DTNB: variants seen among roughly 807,000 people sequenced by gnomAD.
DTNB encodes the protein DTN-B.
DTNB carries 63 observed loss-of-function variants against 90.7 expected under a neutral mutation model. The observed-to-expected ratio is 0.69, with a 90% CI of 0.57 to 0.86. DTNB has a LOEUF of 0.86. Ranked by LOEUF, DTNB falls within the 40% of genes least tolerant of loss-of-function variation. The probability of loss-of-function intolerance (pLI) is 0.00; values close to 1 mark genes in which losing one functional copy is unlikely to be tolerated. For synonymous variants in DTNB, 277 were observed against 286.7 expected (o/e 0.97, Z 0.34); for missense variants, 744 against 807.1 (o/e 0.92, Z 0.95).
At chr2:25,451,521 C>T in intron 12 of DTNB, 27 bp downstream of exon 12, 2 of 1,583,022 alleles carry the variant, frequency 1.3e-6, no homozygotes, top group Non-Finnish European at 1.7e-6. Flanking sequence ...ATTTCTGCTA[C>T]TCTCCTGGGA....
intron 5 of DTNB, 97 bp downstream of exon 5, chr2:25,607,139 T>C (rs2067279421): frequency 1.5e-6 from 2 of 1,344,490 alleles, no homozygotes; most frequent in African/African-American, 2.9e-5. Flanking sequence ...GTAATTTTTT[T>C]AAAAGCTCAA....
chr2:25,460,644 C>T (rs1401501497), intron 10 of DTNB, among the ~76,000 whole-genome samples: 3 of 152,110 alleles, frequency 2.0e-5, no homozygotes, highest in Non-Finnish European at 2.9e-5. Flanking sequence ...TCAAACGCTA[C>T]TGACAGATCA....
At chr2:25,561,026 C>G (rs2058179167) in intron 8 of DTNB, among the ~76,000 whole-genome samples, 1 of 152,196 alleles carries the variant, frequency 6.6e-6, no homozygotes, top group African/African-American at 2.4e-5. Flanking sequence ...AGTTACTGTA[C>G]ATTACCTGAA....
chr2:25,604,118 A>T (rs1392109237), intron 5 of DTNB, among the ~76,000 whole-genome samples: 1 of 152,222 alleles, frequency 6.6e-6, no homozygotes, highest in African/African-American at 2.4e-5. Flanking sequence ...ATTTCCAGAG[A>T]GTGGAGCACC....
chr2:25,455,456 T>C lies in DTNB; in HGVS notation c.1118A>G (p.Asp373Gly). The part of the protein sequence containing the change: ...YSQDIPSHLA[D>G]EHALIASYVA... ...ATAGGAGGCTATCAGCGCATGCTCA[T>C]CGGCCAAGTGACTGGGTATATCCTG... The change falls in exon 11 of 21, where the codon GAT becomes GGT. Residue 373 changes from aspartate (D) to glycine (G), a missense_variant. Asp to Gly is a moderately conservative substitution (Grantham distance 94). Coordinates refer to ENST00000406818, the MANE Select transcript of DTNB (RefSeq NM_021907.5). 6.2e-7 allele frequency: 1 copy of C among 1,607,816 alleles called. No homozygotes were observed.
chr2:25,650,342 G>T, intron 2 of DTNB: 2 of 597,118 alleles, frequency 3.3e-6, no homozygotes, highest in Non-Finnish European at 4.2e-6. Flanking sequence ...AGTGCCTGGA[G>T]CATAGCAGAT....
At position 25,663,744 on chromosome 2, in the gene DTNB, A is replaced by G. The variant is rs939176111; in HGVS notation, c.-2+9642T>C. Among the ~76,000 whole-genome samples the G allele has an allele frequency of 5.3e-5, 8 of 152,226 alleles. No individual in the cohort carries two copies. In the East Asian group the frequency reaches 1.5e-3, roughly 29 times the overall value. Reference sequence around the variant, plus strand: ...CCCATGAACTCTAAAATTTGGTACAATAGCCATCATTTCAAAATCTTCAGC... The same window carrying G: ...CCCATGAACTCTAAAATTTGGTACAGTAGCCATCATTTCAAAATCTTCAGC... On this transcript the variant is annotated intron_variant, in intron 1 of 20. Transcript: ENST00000406818.
rs73920701 is a variant in DTNB, at chr2:25,410,321, T to C, written c.1575+9194A>G. On this transcript the variant is annotated intron_variant, in intron 16 of 20. Coordinates refer to ENST00000406818, the MANE Select transcript of DTNB (RefSeq NM_021907.5). ...AGGAAATCTCTCAGCCTGACATTGA[T>C]GAGTGATGAAAAATATTGGGGGGTG... Among the ~76,000 whole-genome samples the C allele has an allele frequency of 9.5e-3, 1,450 of 152,254 alleles. 31 individuals carry two copies. The highest frequency in any genetic ancestry group is 0.033 in the African/African-American group (1,389 of 41,540).
intron 4 of DTNB, among the ~76,000 whole-genome samples, chr2:25,611,047 G>A (rs2068495565): frequency 6.6e-6 from 1 of 152,174 alleles, no homozygotes; most frequent in African/African-American, 2.4e-5. Context: ...TCATAGGTCA[G>A]ATTTGGCAGC....
intron 9 of DTNB, among the ~76,000 whole-genome samples, chr2:25,519,166 T>C (rs1231686284): frequency 6.6e-6 from 1 of 151,946 alleles, no homozygotes; most frequent in African/African-American, 2.4e-5. Context: ...AGTTCAAGAC[T>C]AGCGTGGGCA....
chr2:25,434,068 T>A, intron 12 of DTNB, 73 bp from the exon 13 acceptor site: 1 of 1,397,812 alleles, frequency 7.2e-7, no homozygotes, highest in Non-Finnish European at 9.9e-7. Flanking sequence ...GATTGACTGA[T>A]TTTTAAAAAA....
chr2:25,386,113 C>CT, intron 18 of DTNB: 1 of 985,468 alleles, frequency 1.0e-6, no homozygotes, highest in Non-Finnish European at 1.2e-6. Context: ...AGAAACAGTG[C>CT]TAGAATGGAG....
intron 3 of DTNB, among the ~76,000 whole-genome samples, chr2:25,638,372 T>C (rs1573861418): frequency 1.3e-5 from 2 of 152,164 alleles, no homozygotes; most frequent in Admixed American, 6.5e-5. Flanking sequence ...AATAAATAAA[T>C]AAAAACTAAA....
intron 20 of DTNB, among the ~76,000 whole-genome samples, chr2:25,377,905 G>C (rs952428915): frequency 1.3e-5 from 2 of 152,178 alleles, no homozygotes; most frequent in African/African-American, 2.4e-5. Context: ...CGCAGGCCTG[G>C]GCATCCATGA....
intron 9 of DTNB, among the ~76,000 whole-genome samples, chr2:25,483,081 T>C (rs780891925): frequency 6.8e-5 from 10 of 146,416 alleles, no homozygotes; most frequent in Non-Finnish European, 1.4e-4. Context: ...GGGAGGGGGG[T>C]AGAAATCGAT....
intron 8 of DTNB, among the ~76,000 whole-genome samples, chr2:25,565,032 A>G (rs1010192825): frequency 6.6e-6 from 1 of 152,148 alleles, no homozygotes; most frequent in Admixed American, 6.5e-5. Flanking sequence ...TTCTATATAC[A>G]AGATCATGTC....
At chr2:25,450,698 T>C (rs1354912418) in intron 12 of DTNB, among the ~76,000 whole-genome samples, 1 of 152,244 alleles carries the variant, frequency 6.6e-6, no homozygotes, top group Non-Finnish European at 1.5e-5. Context: ...CTTCATTTAT[T>C]TAGGTTTTCT....
At chr2:25,379,809 C>G (rs1343948094) in intron 19 of DTNB, 1 of 155,374 alleles carries the variant, frequency 6.4e-6, no homozygotes, top group African/African-American at 2.4e-5. Flanking sequence ...CACCAGGGCT[C>G]TTTATGGATG....
intron 8 of DTNB, among the ~76,000 whole-genome samples, chr2:25,539,326 G>C (rs2080607797): frequency 6.6e-6 from 1 of 152,198 alleles, no homozygotes; most frequent in African/African-American, 2.4e-5. Flanking sequence ...TTTTTACAAA[G>C]TGGTAACATT....
Sources: allele counts gnomAD v4.1 joint callset (sites outside exome capture counted in the v4.1 genomes callset), GRCh38; gene constraint gnomAD v4.1.1; transcripts MANE v1.5; gene names NCBI Gene and HGNC (gene_info 2026-07-23, HGNC 2026-07-21).